SGK3: variants seen among roughly 807,000 people sequenced by gnomAD.
The protein encoded by SGK3 is serine/threonine-protein kinase Sgk3.
Under a neutral mutation model 68.5 loss-of-function variants are expected in SGK3, and 47 were observed. The observed-to-expected ratio is 0.69, with a 90% CI of 0.54 to 0.87. The LOEUF (loss-of-function observed/expected upper bound fraction) is 0.87, where lower values mean the gene tolerates loss of function less well. Among genes scored for constraint, SGK3 ranks in the 40% least tolerant of loss-of-function variants. SGK3 has a pLI of 0.00. For synonymous variants in SGK3, 181 were observed against 189.1 expected (o/e 0.96, Z 0.35); for missense variants, 479 against 575.5 (o/e 0.83, Z 1.72).
In SGK3 at chr8:66,859,672, C is replaced by T. The variant is rs951181242; in HGVS notation, c.*91C>T. On this transcript the variant is annotated 3_prime_UTR_variant, in exon 17 of 17. Transcript: ENST00000521198. ...TGTGAATATATTCAAATATGTATAA[C>T]TAGTGCCTCATTTTTATATGTAATG... is the stretch of plus-strand genomic sequence containing the variant. 8.2e-5 allele frequency: 109 copies of T among 1,322,274 alleles called. No individual in the cohort carries two copies. Among genetic ancestry groups the T allele is most frequent in the Non-Finnish European group, 1.1e-4 (107 of 1,008,952 alleles). 81.9% of individuals were successfully genotyped at this position (1,322,274 alleles called of 1,614,324 possible). A position where few individuals can be genotyped will look rare whatever the true frequency, so the allele number is the denominator to read the frequency against.
In SGK3 at chr8:66,793,611, T is replaced by A. The variant is rs1411889572; in HGVS notation, c.-121-5T>A. 1 of 798,670 alleles carries A rather than the reference T, an allele frequency of 1.3e-6. No individual in the cohort carries two copies. The highest frequency in any genetic ancestry group is 1.9e-6 in the Non-Finnish European group (1 of 535,236). 49.5% of individuals were successfully genotyped at this position (798,670 alleles called of 1,614,324 possible). ...AATCACTTTTTTTTTTTTCTGTTGG[T>A]TAAGGTTGCATGATGGAATTTGAAC... On this transcript the variant is annotated splice_polypyrimidine_tract_variant and splice_region_variant and intron_variant, in intron 1 of 16. Coordinates refer to ENST00000521198, the MANE Select transcript of SGK3 (RefSeq NM_001033578.3).
At chr8:66,756,331 A>G (rs1805971017) in intron 1 of SGK3, among the ~76,000 whole-genome samples, 1 of 152,084 alleles carries the variant, frequency 6.6e-6, no homozygotes, top group South Asian at 2.1e-4. Context: ...CAAGCAAACT[A>G]TATACCAAAC....
chr8:66,714,484 C>G (rs1239283017), intron 1 of SGK3, among the ~76,000 whole-genome samples: 2 of 152,168 alleles, frequency 1.3e-5, no homozygotes, highest in Admixed American at 6.5e-5. Flanking sequence ...CTTTCTGACT[C>G]CCTCACTCCC....
chr8:66,805,429 G>A (rs1195493161), intron 4 of SGK3, among the ~76,000 whole-genome samples: 1 of 150,396 alleles, frequency 6.6e-6, no homozygotes, highest in Non-Finnish European at 1.5e-5. Context: ...TGAGGCAGGA[G>A]AATTGCTTGA....
intron 3 of SGK3, among the ~76,000 whole-genome samples, chr8:66,804,006 T>C (rs1348367494): frequency 6.6e-6 from 1 of 152,154 alleles, no homozygotes; most frequent in African/African-American, 2.4e-5. Flanking sequence ...ATGAGTAATA[T>C]GTATTTGGAA....
At chr8:66,723,125 ATATATATTTTTTT>A (rs1165659523) in intron 1 of SGK3, among the ~76,000 whole-genome samples, 9 of 52,210 alleles carry the variant, frequency 1.7e-4, no homozygotes, top group African/African-American at 7.4e-4. Context: ...ATATATATAT[ATATATATTTTTTT>A]TTTTTTTTTT....
At chr8:66,749,705 G>T (rs1167789614) in intron 1 of SGK3, among the ~76,000 whole-genome samples, 1 of 152,002 alleles carries the variant, frequency 6.6e-6, no homozygotes, top group African/African-American at 2.4e-5. Flanking sequence ...GTTTCCTTTT[G>T]AAATTAGAGA....
At chr8:66,747,565 AT>A (rs994687737) in intron 1 of SGK3, among the ~76,000 whole-genome samples, 8 of 148,260 alleles carry the variant, frequency 5.4e-5, no homozygotes, top group Non-Finnish European at 9.0e-5. Flanking sequence ...TTCTTTTGCC[AT>A]TTTTTTTTTG....
intron 1 of SGK3, among the ~76,000 whole-genome samples, chr8:66,742,216 G>T (rs184096678): frequency 1.3e-5 from 2 of 152,262 alleles, no homozygotes; most frequent in African/African-American, 2.4e-5. Flanking sequence ...AGACTTGCTT[G>T]CTCTTTTCCT....
chr8:66,740,448 T>C (rs1467614542), intron 1 of SGK3, among the ~76,000 whole-genome samples: 1 of 152,222 alleles, frequency 6.6e-6, no homozygotes, highest in Non-Finnish European at 1.5e-5. Context: ...TCATTATATG[T>C]CAGCTTATAG....
Position 66,839,913 on chromosome 8 carries a change from C to G in SGK3, c.742-90C>G, listed in dbSNP as rs1019233700. 3 of 1,226,050 alleles carry G rather than the reference C, an allele frequency of 2.4e-6. No individual in the cohort carries two copies. In the African/African-American group the frequency reaches 4.6e-5, roughly 19 times the overall value. 75.9% of individuals were successfully genotyped at this position (1,226,050 alleles called of 1,614,324 possible). A position where few individuals can be genotyped will look rare whatever the true frequency, so the allele number is the denominator to read the frequency against. Reference sequence around the variant, plus strand: ...TCAAAGTAACAAAGAACAATTCCTACCTTTGTATTTACCGAATATATTTGT... The same window carrying G: ...TCAAAGTAACAAAGAACAATTCCTAGCTTTGTATTTACCGAATATATTTGT... On this transcript the variant is annotated intron_variant, in intron 10 of 16. Transcript: ENST00000521198.
At chr8:66,779,888 C>G (rs930821911) in intron 1 of SGK3, among the ~76,000 whole-genome samples, 6 of 151,596 alleles carry the variant, frequency 4.0e-5, no homozygotes, top group African/African-American at 1.5e-4. Flanking sequence ...GTTTTAGTGT[C>G]AGGAGAATTT....
chr8:66,827,662 A>G (rs1007441354), intron 6 of SGK3, among the ~76,000 whole-genome samples: 5 of 152,310 alleles, frequency 3.3e-5, no homozygotes, highest in African/African-American at 1.2e-4. Flanking sequence ...AGTTAAAATT[A>G]GAGCTAATTA....
At chr8:66,722,630 T>C (rs184041649) in intron 1 of SGK3, among the ~76,000 whole-genome samples, 104 of 152,366 alleles carry the variant, frequency 6.8e-4, no homozygotes, top group African/African-American at 2.4e-3. Context: ...TGATGATGGC[T>C]TAGACGCGAA....
intron 1 of SGK3, among the ~76,000 whole-genome samples, chr8:66,785,599 T>C (rs1807165878): frequency 6.6e-6 from 1 of 152,050 alleles, no homozygotes; most frequent in Admixed American, 6.6e-5. Context: ...CAAAAATGTC[T>C]CCCGACATTG....
Position 66,836,056 on chromosome 8 carries a change from T to C in SGK3, c.723T>C (p.Asp241=). 6.2e-7 allele frequency: 1 copy of C among 1,612,980 alleles called. No homozygotes were observed. The highest frequency in any genetic ancestry group is 8.5e-7 in the Non-Finnish European group (1 of 1,179,526). ...QTTEKLYFVL[D]FVNGGELFFH... ...CTGAAAAGCTTTATTTTGTTCTGGATTTTGTTAATGGAGGGGAGGTGAGTT... is the reference window on the plus strand; with the variant it reads ...CTGAAAAGCTTTATTTTGTTCTGGACTTTGTTAATGGAGGGGAGGTGAGTT... The change falls in exon 10 of 17, where the codon GAT becomes GAC. Residue 241 remains aspartate, a synonymous_variant. Coordinates refer to ENST00000521198, the MANE Select transcript of SGK3 (RefSeq NM_001033578.3).
intron 1 of SGK3, among the ~76,000 whole-genome samples, chr8:66,725,336 AG>A (rs1463056331): frequency 5.9e-5 from 9 of 151,436 alleles, no homozygotes; most frequent in African/African-American, 1.5e-4. Context: ...CAGGAGATGG[AG>A]GTTGTAGTGA....
chr8:66,715,086 A>C (rs1804593637), intron 1 of SGK3, among the ~76,000 whole-genome samples: 1 of 152,206 alleles, frequency 6.6e-6, no homozygotes, highest in South Asian at 2.1e-4. Flanking sequence ...CATTTTCTAC[A>C]AAAAGGATGG....
At chr8:66,719,249 G>A (rs933487090) in intron 1 of SGK3, among the ~76,000 whole-genome samples, 2 of 151,386 alleles carry the variant, frequency 1.3e-5, no homozygotes, top group African/African-American at 4.9e-5. Context: ...ATCTATATAT[G>A]TACACAAGAG....
Sources: allele counts gnomAD v4.1 joint callset (sites outside exome capture counted in the v4.1 genomes callset), GRCh38; gene constraint gnomAD v4.1.1; transcripts MANE v1.5; gene names NCBI Gene and HGNC (gene_info 2026-07-23, HGNC 2026-07-21).